The following BACH2 variants were observed in gnomAD, a reference collection of about 807,000 sequenced individuals.
BACH2 encodes transcription regulator protein BACH2.
A neutral mutation model predicts 61.8 loss-of-function variants in BACH2; 5 were observed. The observed-to-expected ratio is 0.08, with a 90% confidence interval of 0.04 to 0.17. The LOEUF is 0.17. Among genes scored for constraint, BACH2 ranks in the 10% least tolerant of loss-of-function variants. BACH2 has a pLI of 1.00. For synonymous variants in BACH2, 446 were observed against 440.1 expected, an observed-to-expected ratio of 1.01 and a Z score of -0.17; for missense variants, 824 against 1,091.1, an observed-to-expected ratio of 0.76 and a Z score of 3.45.
At chr6:90,180,789 G>C (rs1768131320) in intron 4 of BACH2, among the ~76,000 whole-genome samples, 1 of 151,792 alleles carries the variant, frequency 6.6e-6, no homozygotes, top group African/African-American at 2.4e-5. Flanking sequence ...CAATGGAATG[G>C]AATGCATTCT....
At chr6:89,959,195 G>A (rs1344763728) in intron 6 of BACH2, among the ~76,000 whole-genome samples, 2 of 151,610 alleles carry the variant, frequency 1.3e-5, no homozygotes, top group Non-Finnish European at 1.5e-5. Flanking sequence ...TTGAGGAGGG[G>A]GTGATGGCAT....
chr6:90,021,299 T>TAAAAAAAAAAAAAA (rs200724602), intron 5 of BACH2, among the ~76,000 whole-genome samples: 4 of 100,240 alleles, frequency 4.0e-5, no homozygotes, highest in African/African-American at 6.7e-5. Flanking sequence ...AGCAAAAAAG[T>TAAAAAAAAAAAAAA]AAAAAAAAAA....
intron 3 of BACH2, among the ~76,000 whole-genome samples, chr6:90,237,984 G>T (rs1770314896): frequency 6.6e-6 from 1 of 152,216 alleles, no homozygotes; most frequent in Admixed American, 6.5e-5. Context: ...CAATCCAACA[G>T]TTCCATATAT....
At chr6:90,119,468 C>T (rs774912968) in intron 4 of BACH2, among the ~76,000 whole-genome samples, 1 of 152,164 alleles carries the variant, frequency 6.6e-6, no homozygotes, top group Non-Finnish European at 1.5e-5. Context: ...AAATGCTTAT[C>T]TTCAATCTTC....
At chr6:90,148,258 C>T (rs1784690562) in intron 4 of BACH2, among the ~76,000 whole-genome samples, 1 of 152,130 alleles carries the variant, frequency 6.6e-6, no homozygotes, top group African/African-American at 2.4e-5. Flanking sequence ...TCTCCCGTAC[C>T]CAAGTAGGAC....
chr6:89,971,721 C>T (rs946992312), intron 6 of BACH2, among the ~76,000 whole-genome samples: 2 of 152,098 alleles, frequency 1.3e-5, no homozygotes, highest in Admixed American at 1.3e-4. Context: ...CTTACATGGC[C>T]GCTGGCAAAG....
At chr6:90,292,553 G>A (rs985488883) in intron 1 of BACH2, among the ~76,000 whole-genome samples, 63 of 152,180 alleles carry the variant, frequency 4.1e-4, no homozygotes, top group African/African-American at 1.4e-3. Flanking sequence ...CTGTTAAAAA[G>A]GAAGCTGATC....
chr6:89,984,661 A>G (rs1450566267), intron 6 of BACH2, among the ~76,000 whole-genome samples: 7 of 152,190 alleles, frequency 4.6e-5, no homozygotes, highest in Non-Finnish European at 2.9e-5. Flanking sequence ...CTTTGAGTAG[A>G]GATTATACAA....
chr6:90,093,318 T>TA (rs1782249547), intron 4 of BACH2, among the ~76,000 whole-genome samples: 1 of 152,136 alleles, frequency 6.6e-6, no homozygotes, highest in African/African-American at 2.4e-5. Flanking sequence ...GGGAGATGTG[T>TA]AAGAGGGCTC....
At chr6:90,290,632 T>C (rs1458656482) in intron 1 of BACH2, among the ~76,000 whole-genome samples, 1 of 152,262 alleles carries the variant, frequency 6.6e-6, no homozygotes, top group Non-Finnish European at 1.5e-5. Flanking sequence ...GCTGAGCATG[T>C]ACATTCACTT....
intron 6 of BACH2, among the ~76,000 whole-genome samples, chr6:89,955,905 G>T (rs1774401955): frequency 1.3e-5 from 2 of 152,060 alleles, no homozygotes; most frequent in Admixed American, 6.6e-5. Context: ...AGAATTACAC[G>T]CAAAACTAAC....
intron 4 of BACH2, among the ~76,000 whole-genome samples, chr6:90,125,181 G>A (rs1783794652): frequency 1.3e-5 from 2 of 152,136 alleles, no homozygotes; most frequent in South Asian, 2.1e-4. Context: ...GAAGAGAGAA[G>A]AAAATGTGCC....
intron 6 of BACH2, among the ~76,000 whole-genome samples, chr6:89,986,986 G>A (rs751926076): frequency 6.6e-6 from 1 of 152,136 alleles, no homozygotes; most frequent in Non-Finnish European, 1.5e-5. Context: ...GTTAACTGCA[G>A]CTCAAAGAGA....
At chr6:90,124,495 C>T (rs1223643333) in intron 4 of BACH2, among the ~76,000 whole-genome samples, 3 of 152,150 alleles carry the variant, frequency 2.0e-5, no homozygotes, top group East Asian at 1.9e-4. Flanking sequence ...GAATTTCGGG[C>T]CCTGACACAG....
chr6:90,171,900 G>A lies in BACH2; in HGVS notation c.-162+34669C>T, dbSNP rs781204264. Among the ~76,000 whole-genome samples, 5 of 152,286 alleles carry A rather than the reference G, an allele frequency of 3.3e-5. No individual in the cohort carries two copies. In the East Asian group the frequency reaches 9.6e-4, roughly 29 times the overall value. ...TAATTATATTTAGAGACTCACATGA[G>A]TAAGTCCAATACCAAAATAGATGCA... On this transcript the variant is annotated intron_variant, in intron 4 of 8. Coordinates refer to ENST00000257749, the MANE Select transcript of BACH2 (RefSeq NM_021813.4).
At chr6:90,077,197 G>A (rs1222403451) in intron 5 of BACH2, among the ~76,000 whole-genome samples, 1 of 152,142 alleles carries the variant, frequency 6.6e-6, no homozygotes, top group Non-Finnish European at 1.5e-5. Flanking sequence ...AAGCGTGGGA[G>A]GGAATCACAG....
chr6:90,024,625 A>C (rs2127785933), intron 5 of BACH2, among the ~76,000 whole-genome samples: 1 of 152,340 alleles, frequency 6.6e-6, no homozygotes, highest in Non-Finnish European at 1.5e-5. Flanking sequence ...AAAATCCTGA[A>C]ACATGAGCTT....
At chr6:90,204,006 A>G (rs1209928693) in intron 4 of BACH2, among the ~76,000 whole-genome samples, 1 of 152,006 alleles carries the variant, frequency 6.6e-6, no homozygotes, top group South Asian at 2.1e-4. Context: ...GTGGCACGGG[A>G]TTTGGGGGAT....
intron 5 of BACH2, among the ~76,000 whole-genome samples, chr6:90,054,556 G>C (rs923567529): frequency 5.9e-5 from 9 of 152,232 alleles, no homozygotes; most frequent in Non-Finnish European, 1.0e-4. Context: ...GCAGGGCACA[G>C]ACAAACAAAA....
Sources: allele counts gnomAD v4.1 joint callset (sites outside exome capture counted in the v4.1 genomes callset), GRCh38; gene constraint gnomAD v4.1.1; transcripts MANE v1.5; gene names NCBI Gene and HGNC (gene_info 2026-07-23, HGNC 2026-07-21).